The following FAM177A1 variants were observed in gnomAD, a reference collection of about 807,000 sequenced individuals.
FAM177A1 encodes protein FAM177A1.
Under a neutral mutation model 26.1 loss-of-function variants are expected in FAM177A1, and 22 were observed. The ratio of observed to expected loss-of-function variants is 0.84; its 90% CI spans 0.60 to 1.20. The LOEUF is 1.20. FAM177A1 is among the 50% of genes most tolerant of loss of function. The pLI is 0.00. For synonymous variants in FAM177A1, 95 were observed against 99.3 expected (o/e 0.96, Z 0.26); for missense variants, 296 against 291.1 (o/e 1.02, Z -0.12).
chr14:35,065,208 C>G (rs943085639), intron 2 of FAM177A1, among the ~76,000 whole-genome samples: 1 of 151,352 alleles, frequency 6.6e-6, no homozygotes, highest in Admixed American at 6.6e-5. Context: ...GTCTCTCTCT[C>G]TCTCGCCCAG....
At chr14:35,049,536 C>T (rs1014813841) in intron 1 of FAM177A1, among the ~76,000 whole-genome samples, 9 of 152,150 alleles carry the variant, frequency 5.9e-5, no homozygotes, top group Non-Finnish European at 1.2e-4. Context: ...ATAATCCCAG[C>T]ACTTTGGAAG....
intron 2 of FAM177A1, among the ~76,000 whole-genome samples, chr14:35,071,390 TAGGG>T (rs1274719859): frequency 6.6e-5 from 10 of 152,170 alleles, no homozygotes; most frequent in South Asian, 4.1e-4. Context: ...TAGGTCTTAA[TAGGG>T]AAGGAAGAGA....
In FAM177A1 at chr14:35,083,258, C is replaced by A. The variant is rs959857896; in HGVS notation, c.*2030C>A. 2.0e-5 allele frequency: 3 copies of A among 152,582 alleles called. No individual in the cohort carries two copies. The highest frequency in any genetic ancestry group is 7.2e-5 in the African/African-American group (3 of 41,452). 9.5% of individuals were successfully genotyped at this position (152,582 alleles called of 1,614,324 possible). ...GTAGTGACTTATGAAGGTTTTGTTT[C>A]TTGAATTTTACTTTTGCTACTTGTC... On this transcript the variant is annotated 3_prime_UTR_variant, in exon 5 of 5. Transcript: ENST00000280987.
intron 3 of FAM177A1, 63 bp from the exon 4 acceptor site, chr14:35,078,864 C>G: frequency 8.4e-7 from 1 of 1,186,056 alleles, no homozygotes; most frequent in Non-Finnish European, 1.2e-6. Context: ...GTGTCTTACA[C>G]ATAGAAAGTG....
At chr14:35,058,563 G>A (rs2045098977) in intron 2 of FAM177A1, among the ~76,000 whole-genome samples, 1 of 151,968 alleles carries the variant, frequency 6.6e-6, no homozygotes, top group Non-Finnish European at 1.5e-5. Flanking sequence ...TTTACCTCTA[G>A]TTACGTTTTT....
chr14:35,067,616 A>T (rs2045259063), intron 2 of FAM177A1, among the ~76,000 whole-genome samples: 1 of 152,178 alleles, frequency 6.6e-6, no homozygotes, highest in Non-Finnish European at 1.5e-5. Context: ...CTGTTTTCCA[A>T]AATGGCTGTA....
intron 4 of FAM177A1, among the ~76,000 whole-genome samples, chr14:35,079,729 C>T (rs2045450623): frequency 6.6e-6 from 1 of 152,084 alleles, no homozygotes; most frequent in South Asian, 2.1e-4. Flanking sequence ...ATGTTTAGAA[C>T]AGCACCTAGT....
At chr14:35,066,565 TG>T (rs1438902761) in intron 2 of FAM177A1, among the ~76,000 whole-genome samples, 2 of 151,520 alleles carry the variant, frequency 1.3e-5, no homozygotes, top group Non-Finnish European at 2.9e-5. Flanking sequence ...CTACCACTCC[TG>T]GCTAATTTTT....
intron 2 of FAM177A1, among the ~76,000 whole-genome samples, chr14:35,074,171 G>A (rs936022043): frequency 1.3e-5 from 2 of 152,112 alleles, no homozygotes; most frequent in Non-Finnish European, 1.5e-5. Flanking sequence ...GTGAGACAGG[G>A]TCTCCCTCTG....
chr14:35,072,296 A>G (rs57411359), intron 2 of FAM177A1, among the ~76,000 whole-genome samples: 24,107 of 152,050 alleles, frequency 0.16, 2,101 homozygotes, highest in Middle Eastern at 0.22. Context: ...AAGGAAAGGA[A>G]AAAGGGTTAA....
Position 35,053,363 on chromosome 14 carries a change from TTAG to T in FAM177A1, c.253_255del (p.Ser85del), listed in dbSNP as rs745581184. Reference sequence around the variant, plus strand: ...GTCCCAAGGAGAGTCATCCACTTTGTTAGTGGTGAAACAATGGAAGAATATAGC... The same window carrying T: ...GTCCCAAGGAGAGTCATCCACTTTGTTGGTGAAACAATGGAAGAATATAGC... On this transcript the variant is annotated inframe_deletion, in exon 2 of 5. Transcript: ENST00000280987. The T allele has an allele frequency of 1.2e-6, 2 of 1,614,032 alleles. No individual in the cohort carries two copies. Among genetic ancestry groups the T allele is most frequent in the Non-Finnish European group, 1.7e-6 (2 of 1,179,948 alleles).
chr14:35,047,790 A>G (rs2044897035), intron 1 of FAM177A1, among the ~76,000 whole-genome samples: 1 of 151,850 alleles, frequency 6.6e-6, no homozygotes, highest in African/African-American at 2.4e-5. Flanking sequence ...AACAAAAAAA[A>G]AACCCTTGAG....
intron 1 of FAM177A1, chr14:35,046,943 G>C: frequency 8.8e-7 from 1 of 1,138,850 alleles, no homozygotes; most frequent in Non-Finnish European, 1.1e-6. Flanking sequence ...CCTTGCAGTA[G>C]CTGGAAGCCA....
intron 2 of FAM177A1, among the ~76,000 whole-genome samples, chr14:35,056,925 A>G (rs1187270799): frequency 6.6e-6 from 1 of 152,048 alleles, no homozygotes; most frequent in East Asian, 1.9e-4. Context: ...TTTGGATTCT[A>G]GTAATTTTGG....
chr14:35,046,356 T>G lies in FAM177A1; in HGVS notation c.-108T>G. 3 of 1,283,716 alleles carry G rather than the reference T, an allele frequency of 2.3e-6. No individual in the cohort carries two copies. The highest frequency in any genetic ancestry group is 1.8e-5 in the South Asian group (1 of 56,424). 79.5% of individuals were successfully genotyped at this position (1,283,716 alleles called of 1,614,324 possible). On this transcript the variant is annotated 5_prime_UTR_variant, in exon 1 of 5. Coordinates refer to ENST00000280987, the MANE Select transcript of FAM177A1 (RefSeq NM_173607.5). ...TGGCCCCGCCCCTCAGGCCGGCGAGTCCCCTTCTCAGAGACTTGGCTAGGC... is the reference window on the plus strand; with the variant it reads ...TGGCCCCGCCCCTCAGGCCGGCGAGGCCCCTTCTCAGAGACTTGGCTAGGC...
At chr14:35,064,345 C>T (rs985655714) in intron 2 of FAM177A1, among the ~76,000 whole-genome samples, 1 of 152,112 alleles carries the variant, frequency 6.6e-6, no homozygotes, top group Non-Finnish European at 1.5e-5. Flanking sequence ...CGAGATCGAG[C>T]GACTGCACTC....
Position 35,064,687 on chromosome 14 carries a change from G to A in FAM177A1, c.339+11236G>A, listed in dbSNP as rs547917543. Among the ~76,000 whole-genome samples, 6 of 151,830 alleles carry A rather than the reference G, an allele frequency of 4.0e-5. No homozygotes were observed. The East Asian group carries it at 1.2e-3, about 29-fold the overall frequency. ...TTTTTTTGAGATGGAATCTTGCTCTGTTGTCCAGGCTGGAGTGCAGTGGCG... is the reference window on the plus strand; with the variant it reads ...TTTTTTTGAGATGGAATCTTGCTCTATTGTCCAGGCTGGAGTGCAGTGGCG... On this transcript the variant is annotated intron_variant, in intron 2 of 4. Coordinates refer to ENST00000280987, the MANE Select transcript of FAM177A1 (RefSeq NM_173607.5).
At chr14:35,080,932 T>TA (rs398024771) in intron 4 of FAM177A1, 90 bp from the exon 5 acceptor site, 7 of 1,303,892 alleles carry the variant, frequency 5.4e-6, no homozygotes, top group Admixed American at 3.6e-5. Flanking sequence ...TTTTTTTTTT[T>TA]AAACATAAGC....
Position 35,081,584 on chromosome 14 carries a change from G to C in FAM177A1, c.*356G>C. ...GGTAAGTTGCTGATTAAGTCTAATT[G>C]GAATTGATAATTCCATAGTCTTAGA... is the stretch of plus-strand genomic sequence containing the variant. On this transcript the variant is annotated 3_prime_UTR_variant, in exon 5 of 5. Transcript: ENST00000280987. The C allele has an allele frequency of 6.2e-6, 1 of 161,082 alleles. No individual in the cohort carries two copies. Among genetic ancestry groups the C allele is most frequent in the Non-Finnish European group, 1.4e-5 (1 of 73,982 alleles). The allele number at this position is 161,082 out of a possible 1,614,324, so 10.0% of individuals were successfully genotyped here.
Sources: gnomAD v4.1 joint callset for allele counts (sites outside exome capture counted in the v4.1 genomes callset) on GRCh38, gnomAD v4.1.1 for gene constraint, MANE v1.5 for transcripts, NCBI Gene and HGNC (gene_info 2026-07-23, HGNC 2026-07-21) for gene names.